Variants in GAK observed in about 807,000 individuals in gnomAD.
GAK encodes cyclin-G-associated kinase.
GAK carries 79 observed loss-of-function variants against 143.9 expected under a neutral mutation model. The ratio of observed to expected loss-of-function variants is 0.55; its 90% confidence interval spans 0.46 to 0.66. The LOEUF is 0.66. GAK is among the 30% of genes least tolerant of loss of function. The pLI is 0.00. For missense variants in GAK, 1,693 were observed against 1,779.7 expected (o/e 0.95, Z 0.88); for synonymous variants, 881 against 765.5 (o/e 1.15, Z -2.49).
intron 5 of GAK, among the ~76,000 whole-genome samples, chr4:900,869 C>A (rs903921587): frequency 1.3e-5 from 2 of 152,104 alleles, no homozygotes; most frequent in Non-Finnish European, 2.9e-5. Context: ...GGGCCTGGGG[C>A]ATGGCTCAGG....
Position 893,414 on chromosome 4 carries a change from G to A in GAK, c.953C>T (p.Ala318Val). Residue 318 changes from alanine to valine, a missense_variant, in exon 9 of 28, where the codon GCC becomes GTC. By Grantham distance (64) the Ala-to-Val change is moderately conservative (BLOSUM62 0). Transcript: ENST00000314167. ...EVVHQLQEIA[A>V]ARNVNPKSPI... ...AGACTTGGGGTTCACGTTGCGGGCG[G>A]CCGCGATCTCCTGCAGCTGGTGCAC... 1 of 1,590,260 alleles carries A rather than the reference G, an allele frequency of 6.3e-7. No homozygotes were observed. The highest frequency in any genetic ancestry group is 1.1e-5 in the South Asian group (1 of 88,468).
intron 5 of GAK, among the ~76,000 whole-genome samples, chr4:902,783 G>C (rs1720183009): frequency 6.6e-6 from 1 of 152,052 alleles, no homozygotes; most frequent in South Asian, 2.1e-4. Flanking sequence ...GACGCCGGCA[G>C]CACAGGCGAC....
At chr4:909,278 A>G (rs1721613659) in intron 4 of GAK, among the ~76,000 whole-genome samples, 1 of 152,268 alleles carries the variant, frequency 6.6e-6, no homozygotes, top group African/African-American at 2.4e-5. Context: ...CACTGGTTTC[A>G]GCACCTCCCA....
intron 1 of GAK, among the ~76,000 whole-genome samples, chr4:928,391 A>G (rs1209546235): frequency 6.6e-6 from 1 of 152,176 alleles, no homozygotes; most frequent in Admixed American, 6.5e-5. Context: ...AAGGCTGGGC[A>G]CATTATCTCA....
chr4:879,792 G>C (rs533116337), intron 15 of GAK, among the ~76,000 whole-genome samples: 1 of 152,288 alleles, frequency 6.6e-6, no homozygotes, highest in East Asian at 1.9e-4. Flanking sequence ...GGCTCCACGT[G>C]TGTGTGCCCC....
At chr4:878,057 C>A (rs1334817992) in intron 15 of GAK, among the ~76,000 whole-genome samples, 1 of 152,082 alleles carries the variant, frequency 6.6e-6, no homozygotes, top group Non-Finnish European at 1.5e-5. Flanking sequence ...TTAAATTTCT[C>A]GTGATACTCC....
At position 867,019 on chromosome 4, in the gene GAK, G is replaced by A. The variant is rs767648621; in HGVS notation, c.2809C>T (p.Leu937=). Residue 937 remains leucine (L), a synonymous_variant, in exon 21 of 28, where the codon CTG becomes TTG. Coordinates refer to ENST00000314167, the MANE Select transcript of GAK (RefSeq NM_005255.4). ...CTCAGGGGAGGGGCCGGGCTTGCCA[G>A]GAGCAGCGGGTCCTCGCTGAGCAGA... ...EDLLSEDPLL[L]ASPAPPLSVQ... 7 of 1,502,510 alleles carry A rather than the reference G, an allele frequency of 4.7e-6. No homozygotes were observed. Among genetic ancestry groups the A allele is most frequent in the Non-Finnish European group, 4.4e-6 (5 of 1,126,178 alleles). The allele number at this position is 1,502,510 out of a possible 1,614,324, so 93.1% of individuals were successfully genotyped here.
chr4:922,002 C>T (rs1723990190), intron 1 of GAK, among the ~76,000 whole-genome samples: 3 of 152,272 alleles, frequency 2.0e-5, no homozygotes, highest in Admixed American at 1.3e-4. Flanking sequence ...GTAAAAACCA[C>T]GACGCCAAAT....
intron 22 of GAK, 46 bp from the exon 23 acceptor site, chr4:865,290 G>A (rs1412405534): frequency 7.5e-6 from 12 of 1,610,682 alleles, no homozygotes; most frequent in Non-Finnish European, 1.0e-5. Flanking sequence ...TGTCTCAGCA[G>A]CAGGCAAATG....
At chr4:890,204 C>A (rs1717362593) in intron 10 of GAK, among the ~76,000 whole-genome samples, 1 of 152,206 alleles carries the variant, frequency 6.6e-6, no homozygotes, top group Non-Finnish European at 1.5e-5. Context: ...GCGCAGGCTG[C>A]CTCCCACATA....
rs1043837313 is a variant in GAK at position 851,864 on chromosome 4, G to T, written c.3394C>A (p.Pro1132Thr). The change falls in exon 25 of 28, where the codon CCC (proline) becomes ACC (threonine). Residue 1132 changes from proline (P) to threonine (T), a missense_variant. Physicochemically the swap from Pro to Thr is conservative, Grantham distance 38. Transcript: ENST00000314167. ...SRPPAQGASW[P>T]PQAKPPPKAC... ...TTGGGGGGCGGCTTGGCCTGAGGGG[G>T]CCATGAGGCGCCCTGGGCTGGCGGC... is the stretch of plus-strand genomic sequence containing the variant. 1.4e-5 allele frequency: 22 copies of T among 1,609,004 alleles called. No homozygotes were observed. Among genetic ancestry groups the T allele is most frequent in the Non-Finnish European group, 1.8e-5 (21 of 1,177,016 alleles).
chr4:912,542 A>G (rs111864334), intron 3 of GAK, 193 bp downstream of exon 3: 5 of 382,836 alleles, frequency 1.3e-5, no homozygotes, highest in Admixed American at 4.0e-5. Context: ...CCCTGGCAGT[A>G]AAAAAAAAAC....
At chr4:871,572 G>C (rs780342936) in intron 18 of GAK, among the ~76,000 whole-genome samples, 9 of 152,348 alleles carry the variant, frequency 5.9e-5, no homozygotes, top group South Asian at 2.1e-4. Flanking sequence ...GGGCTGGGGA[G>C]GCAGCCCAGG....
Position 898,071 on chromosome 4 carries a change from T to G in GAK, c.613A>C (p.Ser205Arg), listed in dbSNP as rs768274700. ...AGGGCTCGCCTCTGGGCGCTCCAGCTGTAGTCAGGGTAGTGCGAGATGGTC... is the reference window on the plus strand; with the variant it reads ...AGGGCTCGCCTCTGGGCGCTCCAGCGGTAGTCAGGGTAGTGCGAGATGGTC... ...ATTISHYPDY[S>R]WSAQRRALVE... The change falls in exon 6 of 28, where the codon AGC becomes CGC. Residue 205 changes from serine (S) to arginine (R), a missense_variant. Transcript: ENST00000314167. The G allele has an allele frequency of 6.2e-6, 10 of 1,613,948 alleles. No individual in the cohort carries two copies. The highest frequency in any genetic ancestry group is 1.7e-5 in the Admixed American group (1 of 60,000).
intron 24 of GAK, chr4:853,798 ATT>A (rs1364734724): frequency 1.7e-5 from 2 of 118,188 alleles, no homozygotes; most frequent in Admixed American, 8.8e-5. Flanking sequence ...TCTCTTGCCC[ATT>A]TTCTTTTTTT....
rs577387674 is a variant in GAK, at chr4:911,537, C to G, written c.382+136G>C. 3 of 596,140 alleles carry G rather than the reference C, an allele frequency of 5.0e-6. No homozygotes were observed. The East Asian group carries it at 8.9e-5, about 18-fold the overall frequency. 36.9% of individuals were successfully genotyped at this position (596,140 alleles called of 1,614,324 possible). A position where few individuals can be genotyped will look rare whatever the true frequency, so the allele number is the denominator to read the frequency against. ...ACAGAACTACTGTCAGAGAGCTGCC[C>G]GCGCTTCCCGCTAAGACCAACACAG... is the stretch of plus-strand genomic sequence containing the variant. On this transcript the variant is annotated intron_variant, in intron 4 of 27. Coordinates refer to ENST00000314167, the MANE Select transcript of GAK (RefSeq NM_005255.4).
At position 893,533 on chromosome 4, in the gene GAK, C is replaced by G. The variant is rs375243928; in HGVS notation, c.878-44G>C. The G allele has an allele frequency of 1.4e-3, 1,919 of 1,391,486 alleles. 21 individuals are homozygous for G. The African/African-American group carries it at 0.024, about 18-fold the overall frequency. The allele number at this position is 1,391,486 out of a possible 1,614,324, so 86.2% of individuals were successfully genotyped here. A position where few individuals can be genotyped will look rare whatever the true frequency, so the allele number is the denominator to read the frequency against. Reference sequence around the variant, plus strand: ...GCGCTCGGCCCCACGGTTCCCCAGGCGGGTCAGCACCCCCTGCACTGGCAG... The same window carrying G: ...GCGCTCGGCCCCACGGTTCCCCAGGGGGGTCAGCACCCCCTGCACTGGCAG... On this transcript the variant is annotated intron_variant, in intron 8 of 27. Transcript: ENST00000314167.
chr4:902,605 A>AAAAAAAAAAAAC (rs1180561371), intron 5 of GAK, among the ~76,000 whole-genome samples: 10,944 of 130,136 alleles, frequency 0.084, 910 homozygotes, highest in Middle Eastern at 0.24. Flanking sequence ...TCAAAAAAAA[A>AAAAAAAAAAAAC]AAAAAAAAAC....
intron 13 of GAK, 131 bp downstream of exon 13, chr4:883,184 T>C: frequency 9.3e-7 from 1 of 1,076,962 alleles, no homozygotes; most frequent in Non-Finnish European, 1.3e-6. Context: ...TCCCACGCTC[T>C]GCAGCCCCTC....
Sources: gnomAD v4.1 joint callset for allele counts (sites outside exome capture counted in the v4.1 genomes callset) on GRCh38, gnomAD v4.1.1 for gene constraint, MANE v1.5 for transcripts, NCBI Gene and HGNC (gene_info 2026-07-23, HGNC 2026-07-21) for gene names.